The following EPM2A variants were observed in gnomAD, a reference collection of about 807,000 sequenced individuals.
EPM2A encodes the protein EPM2A glucan phosphatase, laforin.
A neutral mutation model predicts 26.5 loss-of-function variants in EPM2A; 21 were observed. The ratio of observed to expected loss-of-function variants is 0.79; its 90% CI spans 0.56 to 1.14. The LOEUF is 1.14. EPM2A is among the 50% of genes most tolerant of loss of function. EPM2A has a pLI of 0.00. For synonymous variants in EPM2A, 217 were observed against 177.6 expected (o/e 1.22, Z -1.76); for missense variants, 458 against 440.8 (o/e 1.04, Z -0.35).
chr6:145,484,368 C>T (rs563770915), intron 4 of EPM2A, among the ~76,000 whole-genome samples: 88 of 152,048 alleles, frequency 5.8e-4, no homozygotes, highest in African/African-American at 2.0e-3. Flanking sequence ...GCTTTAGTCC[C>T]CATGAAACCT....
intron 4 of EPM2A, chr6:145,491,275 A>G: frequency 2.8e-6 from 1 of 358,652 alleles, no homozygotes; most frequent in South Asian, 2.3e-5. Context: ...GCTGAGGCAA[A>G]CTCTACTCAT....
chr6:145,400,133 C>T (rs1010021899), intron 4 of EPM2A, among the ~76,000 whole-genome samples: 2 of 152,126 alleles, frequency 1.3e-5, no homozygotes, highest in African/African-American at 2.4e-5. Flanking sequence ...ACAGGGGTCC[C>T]ACAGATGGAT....
At chr6:145,703,841 A>G (rs890794414) in intron 1 of EPM2A, among the ~76,000 whole-genome samples, 2 of 152,264 alleles carry the variant, frequency 1.3e-5, no homozygotes, top group African/African-American at 2.4e-5. Context: ...GTTAACTGAT[A>G]TGAAACCATG....
intron 2 of EPM2A, among the ~76,000 whole-genome samples, chr6:145,591,731 T>C (rs2128547990): frequency 6.6e-6 from 1 of 152,146 alleles, no homozygotes; most frequent in South Asian, 2.1e-4. Flanking sequence ...AAGTCAGAAA[T>C]TCAGATCTAT....
chr6:145,631,723 C>T (rs1484955013), intron 3 of EPM2A: 2 of 152,194 alleles, frequency 1.3e-5, no homozygotes. Context: ...AGAGGTAGAG[C>T]ATTTGGGCAG....
At chr6:145,686,446 G>T in intron 1 of EPM2A, 150 bp from the exon 2 acceptor site, 1 of 684,572 alleles carries the variant, frequency 1.5e-6, no homozygotes, top group Non-Finnish European at 2.5e-6. Flanking sequence ...AAAGACTAGA[G>T]TGAAAAACAG....
intron 2 of EPM2A, among the ~76,000 whole-genome samples, chr6:145,643,239 A>G (rs879585530): frequency 6.6e-5 from 10 of 152,210 alleles, no homozygotes; most frequent in African/African-American, 1.9e-4. Context: ...AATAAAACTA[A>G]TATCTACAAG....
In EPM2A at chr6:145,625,643, G is replaced by C; in HGVS notation, c.*1773C>G. The C allele has an allele frequency of 1.4e-6, 1 of 724,964 alleles. No homozygotes were observed. 44.9% of individuals were successfully genotyped at this position (724,964 alleles called of 1,614,324 possible). Reference sequence around the variant, plus strand: ...TTACCTCTAGTTATTTTTAGCAAGGGAGCTGGACTTCACTTTACTTAATGC... The same window carrying C: ...TTACCTCTAGTTATTTTTAGCAAGGCAGCTGGACTTCACTTTACTTAATGC... On this transcript the variant is annotated 3_prime_UTR_variant, in exon 4 of 4. Coordinates refer to ENST00000367519, the MANE Select transcript of EPM2A (RefSeq NM_005670.4).
chr6:145,584,320 C>T (rs1320597153), intron 2 of EPM2A, among the ~76,000 whole-genome samples: 1 of 152,142 alleles, frequency 6.6e-6, no homozygotes, highest in Non-Finnish European at 1.5e-5. Context: ...CCTGATTGGG[C>T]ATCCAAGGCT....
intron 2 of EPM2A, among the ~76,000 whole-genome samples, chr6:145,512,710 CAAAAAAAAAA>C (rs58668403): frequency 3.1e-4 from 7 of 22,540 alleles, no homozygotes; most frequent in Non-Finnish European, 6.7e-4. Flanking sequence ...GACTCCATCT[CAAAAAAAAAA>C]AAAAAAAAAA....
chr6:145,533,666 G>T (rs1441892470), intron 2 of EPM2A, among the ~76,000 whole-genome samples: 1 of 152,016 alleles, frequency 6.6e-6, no homozygotes, highest in Non-Finnish European at 1.5e-5. Context: ...TTGCATGACT[G>T]GGTCTACTTC....
chr6:145,680,211 T>C lies in EPM2A; in HGVS notation c.476+5911A>G, dbSNP rs1385392556. 2.0e-5 allele frequency: 3 copies of C among 152,020 alleles called. No individual in the cohort carries two copies. In the East Asian group the frequency reaches 5.8e-4, roughly 29 times the overall value. The allele number at this position is 152,020 out of a possible 1,614,324, so 9.4% of individuals were successfully genotyped here. A position where few individuals can be genotyped will look rare whatever the true frequency, so the allele number is the denominator to read the frequency against. On this transcript the variant is annotated intron_variant, in intron 2 of 3. Transcript: ENST00000367519. ...TTTCTTTTTCTCATAATAAAACTTG[T>C]AGATCTGATAAATTCTTTAAACACA...
chr6:145,468,619 AC>A (rs1941907598), intron 4 of EPM2A, among the ~76,000 whole-genome samples: 2 of 99,908 alleles, frequency 2.0e-5, no homozygotes, highest in African/African-American at 8.7e-5. Context: ...CTCATCATAT[AC>A]AAAAATCAAA....
At chr6:145,587,871 T>G (rs192661402) in intron 2 of EPM2A, among the ~76,000 whole-genome samples, 3 of 152,322 alleles carry the variant, frequency 2.0e-5, no homozygotes, top group Admixed American at 2.0e-4. Flanking sequence ...TAAATTTATC[T>G]TATTCTCAAT....
chr6:145,676,054 A>G (rs553963184), intron 2 of EPM2A, among the ~76,000 whole-genome samples: 8 of 152,350 alleles, frequency 5.3e-5, no homozygotes, highest in African/African-American at 1.7e-4. Flanking sequence ...AATGTAAAAG[A>G]ACAGAAATCA....
chr6:145,551,488 T>G (rs1441089760), intron 2 of EPM2A, among the ~76,000 whole-genome samples: 2 of 151,994 alleles, frequency 1.3e-5, no homozygotes, highest in African/African-American at 4.8e-5. Context: ...GAAAAGTAAA[T>G]TTTCCTGGCT....
At chr6:145,671,380 C>G (rs1281514838) in intron 2 of EPM2A, 10 of 994,594 alleles carry the variant, frequency 1.0e-5, no homozygotes, top group Non-Finnish European at 1.2e-5. Flanking sequence ...AACTGGAATT[C>G]AGGCCTTTGG....
chr6:145,642,515 T>A lies in EPM2A; in HGVS notation c.477-7029A>T, dbSNP rs117884569. 9.9e-3 allele frequency among the ~76,000 whole-genome samples: 1,503 copies of A among 152,348 alleles called. 10 individuals carry two copies. Among genetic ancestry groups the A allele is most frequent in the Admixed American group, 0.017 (263 of 15,302 alleles). On this transcript the variant is annotated intron_variant, in intron 2 of 3. Transcript: ENST00000367519. ...AAGCAAGACAAAGTATGCCTTCATT[T>A]GAGCCTGCATTCTTTGATGAAGACA...
chr6:145,394,801 A>T (rs1778383527), intron 4 of EPM2A, among the ~76,000 whole-genome samples: 1 of 152,150 alleles, frequency 6.6e-6, no homozygotes, highest in African/African-American at 2.4e-5. Context: ...CCTTCATGTG[A>T]AAGGGCCAAT....
Sources: gnomAD v4.1 joint callset for allele counts (sites outside exome capture counted in the v4.1 genomes callset) on GRCh38, gnomAD v4.1.1 for gene constraint, MANE v1.5 for transcripts, NCBI Gene and HGNC (gene_info 2026-07-23, HGNC 2026-07-21) for gene names.